LRRFIP1: variants seen among roughly 807,000 people sequenced by gnomAD.
The protein encoded by LRRFIP1 is leucine-rich repeat flightless-interacting protein 1.
In LRRFIP1, 62 loss-of-function variants were observed where a neutral mutation model predicts 104.4. The observed-to-expected ratio is 0.59, with a 90% CI of 0.48 to 0.73. The LOEUF is 0.73. LRRFIP1 is among the 30% of genes least tolerant of loss of function. The probability of loss-of-function intolerance (pLI) is 0.00; values close to 1 mark genes in which losing one functional copy is unlikely to be tolerated. For missense variants in LRRFIP1, 796 were observed against 824.5 expected (o/e 0.97, Z 0.42); for synonymous variants, 300 against 299.0 (o/e 1.00, Z -0.03).
intron 19 of LRRFIP1, chr2:237,764,988 G>T: frequency 3.0e-6 from 3 of 984,824 alleles, no homozygotes; most frequent in Non-Finnish European, 3.6e-6. Flanking sequence ...TTGGCCGGGC[G>T]TGGTGGCTCA....
intron 1 of LRRFIP1, among the ~76,000 whole-genome samples, chr2:237,629,618 C>T (rs1216396214): frequency 4.0e-5 from 6 of 151,872 alleles, no homozygotes; most frequent in Admixed American, 6.6e-5. Context: ...ATTACAGGCA[C>T]GCACCACCAC....
chr2:237,701,591 G>C (rs574248921), intron 1 of LRRFIP1, among the ~76,000 whole-genome samples: 1 of 152,224 alleles, frequency 6.6e-6, no homozygotes, highest in African/African-American at 2.4e-5. Flanking sequence ...AAGAAGGGAC[G>C]GCCATTATCT....
chr2:237,660,799 G>C (rs1032724047), intron 1 of LRRFIP1, among the ~76,000 whole-genome samples: 12 of 152,192 alleles, frequency 7.9e-5, no homozygotes, highest in African/African-American at 2.7e-4. Context: ...CAACACACAA[G>C]TTCAGTGAAA....
intron 1 of LRRFIP1, among the ~76,000 whole-genome samples, chr2:237,637,702 C>A (rs774936117): frequency 5.9e-5 from 9 of 152,204 alleles, no homozygotes; most frequent in Non-Finnish European, 1.3e-4. Flanking sequence ...TCTCCATCCA[C>A]TCTTGGCTTG....
intron 1 of LRRFIP1, among the ~76,000 whole-genome samples, chr2:237,657,636 A>G (rs1048500911): frequency 6.6e-6 from 1 of 152,244 alleles, no homozygotes; most frequent in African/African-American, 2.4e-5. Flanking sequence ...AGAATTGTTC[A>G]CGCTTCAAAC....
chr2:237,753,262 T>A, intron 14 of LRRFIP1, 47 bp from the exon 15 acceptor site: 1 of 1,460,704 alleles, frequency 6.8e-7, no homozygotes, highest in Non-Finnish European at 9.2e-7. Flanking sequence ...GATTCTTTGT[T>A]TTGATTTTTT....
At chr2:237,739,357 C>A in intron 11 of LRRFIP1, 48 bp downstream of exon 11, 1 of 1,472,748 alleles carries the variant, frequency 6.8e-7, no homozygotes, top group South Asian at 1.2e-5. Context: ...ACCCTCCCTC[C>A]CCCTTCCCTT....
chr2:237,687,097 G>A (rs566098892), intron 1 of LRRFIP1, among the ~76,000 whole-genome samples: 1 of 152,224 alleles, frequency 6.6e-6, no homozygotes, highest in East Asian at 1.9e-4. Flanking sequence ...CGTGCCGCTG[G>A]TGCATTCCAT....
At chr2:237,629,047 C>G (rs1309141323) in intron 1 of LRRFIP1, among the ~76,000 whole-genome samples, 1 of 152,186 alleles carries the variant, frequency 6.6e-6, no homozygotes. Context: ...ATGGCATGCC[C>G]GCGCCTGGCA....
rs555681238 is a variant in LRRFIP1, at chr2:237,720,968, A to G, written c.345+146A>G. 1.8e-5 allele frequency: 12 copies of G among 680,758 alleles called. No homozygotes were observed. The African/African-American group carries it at 2.0e-4, about 11-fold the overall frequency. The allele number at this position is 680,758 out of a possible 1,614,324, so 42.2% of individuals were successfully genotyped here. ...CCGATGAGATGCTTACTTAAAATCA[A>G]ATCAATGGGGGATGTTTCTTTGTTG... On this transcript the variant is annotated intron_variant, in intron 6 of 23. Coordinates refer to ENST00000308482, the MANE Select transcript of LRRFIP1 (RefSeq NM_001137550.2).
intron 1 of LRRFIP1, among the ~76,000 whole-genome samples, chr2:237,634,523 T>C (rs768445493): frequency 2.6e-5 from 4 of 152,172 alleles, no homozygotes; most frequent in Non-Finnish European, 4.4e-5. Flanking sequence ...AGTTCCCCCA[T>C]AGGTAAGATG....
intron 9 of LRRFIP1, 54 bp downstream of exon 9, chr2:237,733,872 C>T (rs1192667828): frequency 1.6e-5 from 25 of 1,587,736 alleles, no homozygotes; most frequent in African/African-American, 2.7e-5. Flanking sequence ...GTGCATGCAC[C>T]GCCCCCACCA....
At chr2:237,764,434 G>A in intron 19 of LRRFIP1, 1 of 1,301,944 alleles carries the variant, frequency 7.7e-7, no homozygotes, top group Non-Finnish European at 9.8e-7. Context: ...AATAAAAATA[G>A]AGGCATTTAC....
intron 19 of LRRFIP1, among the ~76,000 whole-genome samples, chr2:237,761,589 A>G (rs2059878633): frequency 6.6e-6 from 1 of 152,250 alleles, no homozygotes; most frequent in African/African-American, 2.4e-5. Flanking sequence ...CCTTCAGCAA[A>G]GAATTGTAGG....
At chr2:237,704,778 G>A (rs1575637834) in intron 1 of LRRFIP1, among the ~76,000 whole-genome samples, 2 of 152,322 alleles carry the variant, frequency 1.3e-5, no homozygotes, top group South Asian at 4.1e-4. Context: ...GAATTCTAAT[G>A]TAAGGTGGAG....
At chr2:237,672,107 G>C (rs1322070020) in intron 1 of LRRFIP1, among the ~76,000 whole-genome samples, 1 of 151,914 alleles carries the variant, frequency 6.6e-6, no homozygotes, top group Admixed American at 6.6e-5. Context: ...GGCAGAAGTA[G>C]TTTAACATAG....
intron 11 of LRRFIP1, among the ~76,000 whole-genome samples, chr2:237,739,851 G>A (rs2095361105): frequency 6.6e-6 from 1 of 152,108 alleles, no homozygotes; most frequent in African/African-American, 2.4e-5. Context: ...GTTTTCCCCT[G>A]GGTTGTTGGA....
At chr2:237,654,636 C>T (rs1187064943) in intron 1 of LRRFIP1, among the ~76,000 whole-genome samples, 4 of 152,074 alleles carry the variant, frequency 2.6e-5, no homozygotes, top group Non-Finnish European at 2.9e-5. Flanking sequence ...CTGCAACCTC[C>T]GCCTCACGGG....
chr2:237,733,330 T>TA, intron 8 of LRRFIP1, among the ~76,000 whole-genome samples: 1 of 152,324 alleles, frequency 6.6e-6, no homozygotes, highest in South Asian at 2.1e-4. Context: ...GCTGGGCCCC[T>TA]GGCATAGAAA....
Sources: gnomAD v4.1 joint callset for allele counts (sites outside exome capture counted in the v4.1 genomes callset) on GRCh38, gnomAD v4.1.1 for gene constraint, MANE v1.5 for transcripts, NCBI Gene and HGNC (gene_info 2026-07-23, HGNC 2026-07-21) for gene names.